UBE2O: variants seen among roughly 807,000 people sequenced by gnomAD.
UBE2O encodes (E3-independent) E2 ubiquitin-conjugating enzyme.
UBE2O carries 15 observed loss-of-function variants against 125.8 expected under a neutral mutation model. The ratio of observed to expected loss-of-function variants is 0.12; its 90% CI spans 0.08 to 0.18. The LOEUF is 0.18. UBE2O is among the 10% of genes least tolerant of loss of function. The pLI is 1.00. For missense variants in UBE2O, 1,280 were observed against 1,723.6 expected (o/e 0.74, Z 4.56); for synonymous variants, 708 against 703.2 (o/e 1.01, Z -0.11).
chr17:76,423,546 A>C (rs2072743786), intron 1 of UBE2O, among the ~76,000 whole-genome samples: 1 of 151,896 alleles, frequency 6.6e-6, no homozygotes, highest in South Asian at 2.1e-4. Flanking sequence ...ACAAAAAATT[A>C]GCCAGGCATG....
chr17:76,401,083 G>A lies in UBE2O; in HGVS notation c.822C>T (p.Ser274=). 6.2e-7 allele frequency: 1 copy of A among 1,613,994 alleles called. No homozygotes were observed. Among genetic ancestry groups the A allele is most frequent in the Non-Finnish European group, 8.5e-7 (1 of 1,180,038 alleles). The change falls in exon 6 of 18, where the codon TCC becomes TCT. Residue 274 remains serine (S), a synonymous_variant. Transcript: ENST00000319380. The stretch of plus-strand genomic sequence containing the variant: ...TGACACCTGACAGCCACTGGACGCT[G>A]GAGAAGATCTTGGCAGGGCCAATGA... The part of the protein sequence containing the change: ...QVLIGPAKIF[S]SVQWLSGVKP...
rs897988675 is a variant in UBE2O, at chr17:76,398,793, A to G, written c.1783+44T>C. The G allele has an allele frequency of 3.7e-6, 6 of 1,601,282 alleles. No homozygotes were observed. In the Admixed American group the frequency reaches 1.0e-4, roughly 27 times the overall value. ...TCCACAAGCCCCAACCCGGGCCCTC[A>G]TTGGCGACCACCCTGCTGGCTGCCC... On this transcript the variant is annotated intron_variant, in intron 10 of 17. Coordinates refer to ENST00000319380, the MANE Select transcript of UBE2O (RefSeq NM_022066.4). This position sits in a 1 kb window ranked among gnomAD's most constrained non-coding sequence, Gnocchi z 5.4.
At chr17:76,418,911 G>A (rs923207524) in intron 1 of UBE2O, among the ~76,000 whole-genome samples, 6 of 152,050 alleles carry the variant, frequency 3.9e-5, no homozygotes, top group Non-Finnish European at 4.4e-5. Context: ...TGAAAAACAC[G>A]GATTTTTCAA....
intron 1 of UBE2O, among the ~76,000 whole-genome samples, chr17:76,442,253 C>A (rs965032250): frequency 6.6e-6 from 1 of 152,230 alleles, no homozygotes; most frequent in East Asian, 1.9e-4. Flanking sequence ...GATTAATCTG[C>A]TCTTCCTAGT....
chr17:76,429,970 T>C (rs2143842445), intron 1 of UBE2O, among the ~76,000 whole-genome samples: 1 of 152,360 alleles, frequency 6.6e-6, no homozygotes, highest in Middle Eastern at 3.4e-3. Context: ...AAGAGATGAC[T>C]TGGGAAGTTT....
intron 15 of UBE2O, among the ~76,000 whole-genome samples, chr17:76,392,650 ATTACT>A (rs1356149700): frequency 6.6e-6 from 1 of 151,170 alleles, no homozygotes; most frequent in Non-Finnish European, 1.5e-5. Context: ...CTCATAAATC[ATTACT>A]TTAAGACTGT....
chr17:76,396,899 C>A lies in UBE2O; in HGVS notation c.2116-78G>T. On this transcript the variant is annotated intron_variant, in intron 13 of 17. Transcript: ENST00000319380. This position sits in a 1 kb window ranked among gnomAD's most constrained non-coding sequence, Gnocchi z 6.7. ...CCACTAAGGAGGAGCTCTGGGGATCCCTGATCCGCACAGCTGATGGCGACT... is the reference window on the plus strand; with the variant it reads ...CCACTAAGGAGGAGCTCTGGGGATCACTGATCCGCACAGCTGATGGCGACT... 3.1e-6 allele frequency: 4 copies of A among 1,292,180 alleles called. No homozygotes were observed. Among genetic ancestry groups the A allele is most frequent in the Non-Finnish European group, 4.3e-6 (4 of 938,220 alleles). The allele number at this position is 1,292,180 out of a possible 1,614,324, so 80.0% of individuals were successfully genotyped here.
At chr17:76,397,995 AG>A (rs1229954771) in intron 12 of UBE2O, 107 bp from the exon 13 acceptor site, 7 of 1,268,954 alleles carry the variant, frequency 5.5e-6, no homozygotes, top group African/African-American at 4.4e-5. Flanking sequence ...GCTTGTGACA[AG>A]GAACTTAGCT....
At chr17:76,432,818 C>G (rs547167660) in intron 1 of UBE2O, among the ~76,000 whole-genome samples, 2 of 152,236 alleles carry the variant, frequency 1.3e-5, no homozygotes, top group East Asian at 3.9e-4. Flanking sequence ...TACACATGGC[C>G]AATAAGCACA....
chr17:76,411,947 T>C (rs1294724815), intron 1 of UBE2O, among the ~76,000 whole-genome samples: 1 of 152,118 alleles, frequency 6.6e-6, no homozygotes, highest in Non-Finnish European at 1.5e-5. Flanking sequence ...CCTCCCAAAG[T>C]GCTGGGATTA....
rs368628714 is a variant in UBE2O at position 76,401,032 on chromosome 17, C to T, written c.873G>A (p.Lys291=). ...GVKPVLSTKS[K]FRVVVEEVQV... is the part of the protein sequence containing the mutation. ...CCACCTCTTCCACCACCACTCGGAA[C>T]TTGCTCTTGGTGCTGAGCACGGGCT... Residue 291 remains lysine (K), a synonymous_variant, in exon 6 of 18, where the codon AAG becomes AAA. Coordinates refer to ENST00000319380, the MANE Select transcript of UBE2O (RefSeq NM_022066.4). The T allele has an allele frequency of 3.0e-4, 484 of 1,613,892 alleles. 10 individuals carry two copies. In the South Asian group the frequency reaches 5.1e-3, roughly 17 times the overall value.
chr17:76,412,578 G>A (rs35252343), intron 1 of UBE2O, among the ~76,000 whole-genome samples: 70,971 of 151,916 alleles, frequency 0.47, 19,082 homozygotes, highest in Non-Finnish European at 0.6. Flanking sequence ...GGCCTCTCTG[G>A]CTCTTTGGTT....
At position 76,402,846 on chromosome 17, in the gene UBE2O, G is replaced by C. The variant is rs1012255414; in HGVS notation, c.589-147C>G. The C allele has an allele frequency of 1.7e-4, 110 of 656,398 alleles. No individual in the cohort carries two copies. The highest frequency in any genetic ancestry group is 2.8e-4 in the Non-Finnish European group (102 of 369,322). 40.7% of individuals were successfully genotyped at this position (656,398 alleles called of 1,614,324 possible). ...ACCGGTTGGCTACTAGCCCTAAACA[G>C]CTGCTGCAGCAGGCCCTCCCTACAA... On this transcript the variant is annotated intron_variant, in intron 3 of 17. Transcript: ENST00000319380. The surrounding 1 kb of genome is among the most constrained non-coding windows in gnomAD (Gnocchi z 5.4).
At chr17:76,416,572 G>A (rs2072620256) in intron 1 of UBE2O, among the ~76,000 whole-genome samples, 1 of 152,132 alleles carries the variant, frequency 6.6e-6, no homozygotes, top group Admixed American at 6.6e-5. Flanking sequence ...CAGACCGCAC[G>A]TGGAAGAGAC....
At chr17:76,436,907 A>G (rs1031575666) in intron 1 of UBE2O, among the ~76,000 whole-genome samples, 1 of 152,198 alleles carries the variant, frequency 6.6e-6, no homozygotes, top group African/African-American at 2.4e-5. Flanking sequence ...CAAGGTGGGC[A>G]GATCACTTGA....
At chr17:76,418,013 A>G (rs964495198) in intron 1 of UBE2O, among the ~76,000 whole-genome samples, 7 of 152,040 alleles carry the variant, frequency 4.6e-5, no homozygotes. Flanking sequence ...ATGAGGTTCA[A>G]TGCTCTTCAC....
chr17:76,398,612 T>C lies in UBE2O; in HGVS notation c.1784-28A>G. The C allele has an allele frequency of 1.2e-6, 2 of 1,602,812 alleles. No homozygotes were observed. The highest frequency in any genetic ancestry group is 1.1e-5 in the South Asian group (1 of 90,778). On this transcript the variant is annotated intron_variant, in intron 10 of 17. Coordinates refer to ENST00000319380, the MANE Select transcript of UBE2O (RefSeq NM_022066.4). The surrounding 1 kb of genome is among the most constrained non-coding windows in gnomAD (Gnocchi z 5.4). The stretch of plus-strand genomic sequence containing the variant: ...AGGGAACCAGAGAAAGGGAAGTGAC[T>C]AGCTAAGGGATCCCGGCTAAGGAGC...
In UBE2O at chr17:76,390,995, A is replaced by T; in HGVS notation, c.3827T>A (p.Phe1276Tyr). Residue 1276 changes from phenylalanine to tyrosine, a missense_variant, in exon 18 of 18, where the codon TTC becomes TAC. Phe to Tyr is a conservative substitution (Grantham distance 22). Transcript: ENST00000319380. The stretch of plus-strand genomic sequence containing the variant: ...GCCTGCCTCTAGCAGGGCAGCCCGG[A>T]ACTGCGTCAGGACACCCCGGATGCT... ...IKSIRGVLTQ[F>Y]RAALLEAGMP... 1 of 1,613,564 alleles carries T rather than the reference A, an allele frequency of 6.2e-7. No homozygotes were observed. Among genetic ancestry groups the T allele is most frequent in the Non-Finnish European group, 8.5e-7 (1 of 1,179,900 alleles).
chr17:76,399,232 T>A lies in UBE2O; in HGVS notation c.1628+217A>T. On this transcript the variant is annotated intron_variant, in intron 9 of 17. Coordinates refer to ENST00000319380, the MANE Select transcript of UBE2O (RefSeq NM_022066.4). This position sits in a 1 kb window ranked among gnomAD's most constrained non-coding sequence, Gnocchi z 6.9. ...AAATGTGGTTCCAGAAGGCCAAGCT[T>A]AAGGCCACCACCATCCCACCCTCTG... is the stretch of plus-strand genomic sequence containing the variant. 2.8e-6 allele frequency: 2 copies of A among 709,474 alleles called. No individual in the cohort carries two copies. Among genetic ancestry groups the A allele is most frequent in the East Asian group, 2.7e-5 (1 of 36,912 alleles). The allele number at this position is 709,474 out of a possible 1,614,324, so 43.9% of individuals were successfully genotyped here. A position where few individuals can be genotyped will look rare whatever the true frequency, so the allele number is the denominator to read the frequency against.
Sources: gnomAD v4.1 joint callset for allele counts (sites outside exome capture counted in the v4.1 genomes callset) on GRCh38, gnomAD v4.1.1 for gene constraint, Gnocchi (gnomAD v3.1) non-coding constraint, MANE v1.5 for transcripts, NCBI Gene and HGNC (gene_info 2026-07-23, HGNC 2026-07-21) for gene names.